MAP7D2: variants seen among roughly 807,000 people sequenced by gnomAD.
MAP7D2 encodes the protein MAP7 domain containing 2, also known as MAP7 domain-containing protein 2.
A neutral mutation model predicts 63.5 loss-of-function variants in MAP7D2; 33 were observed. The observed-to-expected ratio is 0.52, with a 90% CI of 0.39 to 0.70. MAP7D2 has a LOEUF of 0.70. MAP7D2 is among the 30% of genes least tolerant of loss of function. The pLI is 0.00. For missense variants in MAP7D2, 626 were observed against 604.0 expected (o/e 1.04, Z -0.38); for synonymous variants, 224 against 223.7 (o/e 1.00, Z -0.01).
intron 10 of MAP7D2, 99 bp downstream of exon 10, chrX:20,024,852 A>C: frequency 1.0e-6 from 1 of 979,434 alleles, no homozygotes; most frequent in South Asian, 2.5e-5. Context: ...ACTTCTGTTC[A>C]AGTTTTATCA....
At chrX:20,048,393 C>T in intron 6 of MAP7D2, among the ~76,000 whole-genome samples, 1 of 110,765 alleles carries the variant, frequency 9.0e-6, no homozygotes. Flanking sequence ...GTGACTCCAC[C>T]AGAGAGGACT....
chrX:20,093,693 A>G (rs1226664772), intron 1 of MAP7D2, among the ~76,000 whole-genome samples: 1 of 111,654 alleles, frequency 9.0e-6, no homozygotes, highest in African/African-American at 3.3e-5. Context: ...AATAACCATT[A>G]AACAAGAATG....
chrX:20,036,399 C>T (rs973936147), intron 8 of MAP7D2, among the ~76,000 whole-genome samples: 2 of 107,029 alleles, frequency 1.9e-5, no homozygotes, highest in Non-Finnish European at 3.9e-5. Context: ...CGTGCCACCA[C>T]GCCTGGCTAA....
rs1281958999 is a variant in MAP7D2, at chrX:20,008,253, G to C, written c.*172C>G. On this transcript the variant is annotated 3_prime_UTR_variant, in exon 17 of 17. Transcript: ENST00000379643. ...GAAAGTTTCAAGGTTTCTACCAAGA[G>C]TGGCCAGTGTTTGACATACTACCTA... The C allele has an allele frequency of 1.8e-5, 2 of 112,010 alleles. No individual in the cohort carries two copies. The highest frequency in any genetic ancestry group is 3.8e-5 in the Non-Finnish European group (2 of 53,233). The allele number at this position is 112,010 out of a possible 1,213,427, so 9.2% of individuals were successfully genotyped here. A position where few individuals can be genotyped will look rare whatever the true frequency, so the allele number is the denominator to read the frequency against.
At chrX:20,113,353 T>C (rs1245439039) in intron 1 of MAP7D2, among the ~76,000 whole-genome samples, 4 of 111,136 alleles carry the variant, frequency 3.6e-5, no homozygotes, top group African/African-American at 1.3e-4. Flanking sequence ...TTCAAGCAAT[T>C]CCCTGCCTCA....
rs750423835 is a variant in MAP7D2, at chrX:20,095,210, TTTTGTTTG to T, written c.130+21532_130+21539del. 3.0e-3 allele frequency among the ~76,000 whole-genome samples: 336 copies of T among 111,259 alleles called. 1 individual carries two copies. Among genetic ancestry groups the T allele is most frequent in the African/African-American group, 8.7e-3 (266 of 30,599 alleles). On this transcript the variant is annotated intron_variant, in intron 1 of 16. Transcript: ENST00000379643. ...TTATATCTCAACAATGATTTTAAGG[TTTTGTTTG>T]TTTGTTTGTTTGTTTGTTTGTTTTT...
At chrX:20,072,020 T>G (rs1290005051) in intron 1 of MAP7D2, among the ~76,000 whole-genome samples, 2 of 111,263 alleles carry the variant, frequency 1.8e-5, no homozygotes, top group African/African-American at 3.3e-5. Context: ...TCTGGCACCC[T>G]AAAGACTGGG....
chrX:20,024,344 C>T (rs73445240), intron 10 of MAP7D2, among the ~76,000 whole-genome samples: 2,805 of 111,587 alleles, frequency 0.025, 88 homozygotes, highest in African/African-American at 0.087. Flanking sequence ...TACTGCATTC[C>T]CCGGATGATT....
At chrX:20,112,607 T>C (rs1185244528) in intron 1 of MAP7D2, among the ~76,000 whole-genome samples, 1 of 111,065 alleles carries the variant, frequency 9.0e-6, no homozygotes, top group African/African-American at 3.3e-5. Context: ...GGACACTCCC[T>C]CCCTAAGGGC....
At chrX:20,035,756 A>G (rs1485487774) in intron 8 of MAP7D2, among the ~76,000 whole-genome samples, 1 of 109,493 alleles carries the variant, frequency 9.1e-6, no homozygotes, top group Non-Finnish European at 1.9e-5. Context: ...AAAAAACCCC[A>G]CAAAAAATTA....
intron 8 of MAP7D2, among the ~76,000 whole-genome samples, chrX:20,035,651 G>A (rs1352028228): frequency 9.0e-6 from 1 of 111,025 alleles, no homozygotes; most frequent in East Asian, 2.8e-4. Flanking sequence ...AGCACTTTGG[G>A]AGGCTGAGGC....
intron 8 of MAP7D2, among the ~76,000 whole-genome samples, chrX:20,033,952 C>T (rs1603362203): frequency 9.0e-6 from 1 of 111,289 alleles, no homozygotes; most frequent in African/African-American, 3.3e-5. Flanking sequence ...TGGCCGGGCG[C>T]GGTGGCTCAC....
chrX:20,086,357 G>T (rs768421051), intron 1 of MAP7D2, among the ~76,000 whole-genome samples: 6 of 111,888 alleles, frequency 5.4e-5, no homozygotes, highest in African/African-American at 1.9e-4. Flanking sequence ...TCAGCTACAC[G>T]GTCCCATTTC....
chrX:20,052,076 T>C (rs2064965574), intron 5 of MAP7D2, among the ~76,000 whole-genome samples: 1 of 112,198 alleles, frequency 8.9e-6, no homozygotes, highest in South Asian at 3.7e-4. Context: ...CACACCAGCC[T>C]CTGCCAAGTC....
chrX:20,059,515 C>A (rs2065142657), intron 3 of MAP7D2, among the ~76,000 whole-genome samples: 1 of 109,720 alleles, frequency 9.1e-6, no homozygotes, highest in Admixed American at 9.8e-5. Context: ...TGATGATCAA[C>A]AGAGGATGGG....
At chrX:20,096,429 CA>C (rs775218484) in intron 1 of MAP7D2, among the ~76,000 whole-genome samples, 9,471 of 39,883 alleles carry the variant, frequency 0.24, 373 homozygotes, top group African/African-American at 0.25. Flanking sequence ...GACCTTGTCT[CA>C]AAAAAAAAAA....
Position 20,056,754 on chromosome X carries a change from C to T in MAP7D2, c.410G>A (p.Arg137His), listed in dbSNP as rs768092526. 1.1e-5 allele frequency: 13 copies of T among 1,209,973 alleles called. No homozygotes were observed. The highest frequency in any genetic ancestry group is 5.3e-5 in the South Asian group (3 of 56,826). Residue 137 changes from arginine to histidine, a missense_variant, in exon 4 of 17, where the codon CGC becomes CAC. Coordinates refer to ENST00000379643, the MANE Select transcript of MAP7D2 (RefSeq NM_001168465.2). Reference sequence around the variant, plus strand: ...CTTTTTCAGCTCCAGCTGCTGTGTGCGCTCCAGGGACCGGCGCATCATCGC... The same window carrying T: ...CTTTTTCAGCTCCAGCTGCTGTGTGTGCTCCAGGGACCGGCGCATCATCGC... The part of the protein sequence containing the change: ...LEAMMRRSLE[R>H]TQQLELKKKY...
intron 1 of MAP7D2, among the ~76,000 whole-genome samples, chrX:20,108,691 A>G (rs1381583194): frequency 9.2e-6 from 1 of 108,799 alleles, no homozygotes; most frequent in Non-Finnish European, 1.9e-5. Flanking sequence ...TTTTACCAAG[A>G]TACTGGTCAA....
rs373133152 is a variant in MAP7D2, at chrX:20,116,559, A to G, written c.130+191T>C. ...GGTCGCCCCAAGAAAGAACCCCGCC[A>G]CTCGCACAGAGAGGGGTGCGGCCCT... On this transcript the variant is annotated intron_variant, in intron 1 of 16. Coordinates refer to ENST00000379643, the MANE Select transcript of MAP7D2 (RefSeq NM_001168465.2). The G allele has an allele frequency of 4.9e-5, 46 of 929,988 alleles. No individual in the cohort carries two copies. The East Asian group carries it at 1.0e-3, about 20-fold the overall frequency. 76.6% of individuals were successfully genotyped at this position (929,988 alleles called of 1,213,427 possible).
Sources: gnomAD v4.1 joint callset for allele counts (sites outside exome capture counted in the v4.1 genomes callset) on GRCh38, gnomAD v4.1.1 for gene constraint, MANE v1.5 for transcripts, NCBI Gene and HGNC (gene_info 2026-07-23, HGNC 2026-07-21) for gene names.